YIPF5: variants seen among roughly 807,000 people sequenced by gnomAD.
YIPF5 encodes protein YIPF5.
Under a neutral mutation model 30.4 loss-of-function variants are expected in YIPF5, and 8 were observed. That is an observed-to-expected ratio of 0.26 (90% CI 0.15 to 0.47). YIPF5 has a LOEUF of 0.47. YIPF5 is among the 20% of genes least tolerant of loss of function. The pLI, the probability that YIPF5 is intolerant of heterozygous loss-of-function variation, is 0.99. For synonymous variants in YIPF5, 104 were observed against 107.9 expected, an observed-to-expected ratio of 0.96 and a Z score of 0.23; for missense variants, 282 against 301.8, an observed-to-expected ratio of 0.93 and a Z score of 0.49.
At chr5:144,162,515 A>G in intron 4 of YIPF5, 116 bp from the exon 5 acceptor site, 2 of 917,440 alleles carry the variant, frequency 2.2e-6, no homozygotes, top group Non-Finnish European at 3.3e-6. Flanking sequence ...CTACTAATCT[A>G]TCTATTCTTT....
At chr5:144,166,057 C>T (rs780077556) in intron 2 of YIPF5, among the ~76,000 whole-genome samples, 4 of 152,084 alleles carry the variant, frequency 2.6e-5, no homozygotes, top group South Asian at 2.1e-4. Flanking sequence ...GGATAGCCAT[C>T]GAATTATCAT....
At chr5:144,164,079 T>C (rs1752128453) in intron 4 of YIPF5, 32 bp downstream of exon 4, 5 of 1,601,688 alleles carry the variant, frequency 3.1e-6, no homozygotes, top group Non-Finnish European at 4.3e-6. Flanking sequence ...TGTTCTTTAA[T>C]TGCACCCTGA....
chr5:144,160,249 C>A lies in YIPF5; in HGVS notation c.*148G>T. On this transcript the variant is annotated 3_prime_UTR_variant, in exon 6 of 6. Coordinates refer to ENST00000274496, the MANE Select transcript of YIPF5 (RefSeq NM_030799.9). ...TATGCAAAAGTTCTATAAAAATGAA[C>A]AAGAGATACACGTTTACTTTCATTG... 6.8e-7 allele frequency: 1 copy of A among 1,464,268 alleles called. No individual in the cohort carries two copies. Among genetic ancestry groups the A allele is most frequent in the Non-Finnish European group, 9.0e-7 (1 of 1,109,792 alleles). 90.7% of individuals were successfully genotyped at this position (1,464,268 alleles called of 1,614,324 possible).
intron 2 of YIPF5, among the ~76,000 whole-genome samples, chr5:144,167,473 T>G (rs1351975477): frequency 6.6e-6 from 1 of 152,108 alleles, no homozygotes; most frequent in Non-Finnish European, 1.5e-5. Flanking sequence ...AGATATTCCA[T>G]AAAGATACTA....
At position 144,165,565 on chromosome 5, in the gene YIPF5, A is replaced by G; in HGVS notation, c.150T>C (p.Phe50=). The G allele has an allele frequency of 2.5e-6, 4 of 1,614,188 alleles. No homozygotes were observed. The highest frequency in any genetic ancestry group is 3.4e-6 in the Non-Finnish European group (4 of 1,180,026). The change falls in exon 3 of 6, where the codon TTT becomes TTC. Residue 50 remains phenylalanine, a synonymous_variant. Transcript: ENST00000274496. ...GTGGCTGCATCATGTCTGGAGGGAC[A>G]AATCTGCCTTGCTGCGAATAGTCAT... The part of the protein sequence containing the change: ...AGYDYSQQGR[F]VPPDMMQPQQ...
intron 2 of YIPF5, among the ~76,000 whole-genome samples, chr5:144,167,856 G>A (rs774450349): frequency 1.3e-5 from 2 of 152,154 alleles, no homozygotes; most frequent in South Asian, 2.1e-4. Context: ...AGTTATTAGC[G>A]GATCTTTGTT....
In YIPF5 at chr5:144,163,784, C is replaced by T. The variant is rs568125057; in HGVS notation, c.429+327G>A. On this transcript the variant is annotated intron_variant, in intron 4 of 5. Transcript: ENST00000274496. ...AAATGCTGTCATTAAAAAAAAAAAG[C>T]AATAGTGTAAAAACTGTAAGTAACC... is the stretch of plus-strand genomic sequence containing the variant. 257 of 169,898 alleles carry T rather than the reference C, an allele frequency of 1.5e-3. 1 individual carries two copies. The highest frequency in any genetic ancestry group is 6.0e-3 in the African/African-American group (246 of 40,954). The allele number at this position is 169,898 out of a possible 1,614,324, so 10.5% of individuals were successfully genotyped here.
intron 5 of YIPF5, 46 bp downstream of exon 5, chr5:144,162,172 A>C (rs1752066846): frequency 6.3e-7 from 1 of 1,575,352 alleles, no homozygotes; most frequent in Non-Finnish European, 8.7e-7. Flanking sequence ...GAATCCTACT[A>C]CATAGAATTG....
chr5:144,169,804 C>G (rs1752314799), intron 2 of YIPF5, 42 bp downstream of exon 2: 5 of 1,511,818 alleles, frequency 3.3e-6, no homozygotes, highest in Non-Finnish European at 4.6e-6. Flanking sequence ...TGTGTTTTCA[C>G]TGCAATGTAG....
At position 144,169,950 on chromosome 5, in the gene YIPF5, T is replaced by C. The variant is rs1240503314; in HGVS notation, c.6A>G (p.Ser2=). The part of the protein sequence containing the change: M[S]GFENLNTDFY... Reference sequence around the variant, plus strand: ...AATCCGTGTTTAAGTTTTCAAAGCCTGACATTGCAAATAATCTGTAATAAA... The same window carrying C: ...AATCCGTGTTTAAGTTTTCAAAGCCCGACATTGCAAATAATCTGTAATAAA... Residue 2 remains serine (S), a synonymous_variant, in exon 2 of 6, where the codon TCA becomes TCG. Transcript: ENST00000274496. 1 of 1,613,680 alleles carries C rather than the reference T, an allele frequency of 6.2e-7. No individual in the cohort carries two copies. Among genetic ancestry groups the C allele is most frequent in the Non-Finnish European group, 8.5e-7 (1 of 1,179,632 alleles).
intron 2 of YIPF5, among the ~76,000 whole-genome samples, chr5:144,167,678 T>C (rs1414735175): frequency 6.6e-6 from 1 of 152,200 alleles, no homozygotes; most frequent in Non-Finnish European, 1.5e-5. Context: ...TGAATGGATC[T>C]ATGAATGATA....
chr5:144,169,763 T>C (rs1752313616), intron 2 of YIPF5, 83 bp downstream of exon 2: 9 of 1,129,892 alleles, frequency 8.0e-6, no homozygotes, highest in South Asian at 2.6e-5. Context: ...TGTTCACATA[T>C]TGTTTTAGGC....
rs191864751 is a variant in YIPF5, at chr5:144,160,114, C to A, written c.*283G>T. The A allele has an allele frequency of 5.6e-4, 614 of 1,096,632 alleles. 6 individuals are homozygous for A. In the African/African-American group the frequency reaches 9.2e-3, roughly 16 times the overall value. 67.9% of individuals were successfully genotyped at this position (1,096,632 alleles called of 1,614,324 possible). ...AATCTATCAAAAACATTATAATTTG[C>A]AAGGAAAAAGGTTTTTCAATGGCTG... On this transcript the variant is annotated 3_prime_UTR_variant, in exon 6 of 6. Coordinates refer to ENST00000274496, the MANE Select transcript of YIPF5 (RefSeq NM_030799.9).
chr5:144,159,061 T>G lies in YIPF5; in HGVS notation c.*1336A>C. The G allele has an allele frequency of 2.0e-6, 2 of 983,768 alleles. No individual in the cohort carries two copies. The highest frequency in any genetic ancestry group is 2.4e-6 in the Non-Finnish European group (2 of 828,436). The allele number at this position is 983,768 out of a possible 1,614,324, so 60.9% of individuals were successfully genotyped here. A position where few individuals can be genotyped will look rare whatever the true frequency, so the allele number is the denominator to read the frequency against. On this transcript the variant is annotated 3_prime_UTR_variant, in exon 6 of 6. Transcript: ENST00000274496. ...ACAGTATTTTCCTACAGATTCTCTC[T>G]GGCAAGAGAACATGACAATATAAAT...
In YIPF5 at chr5:144,169,943, C is replaced by T; in HGVS notation, c.13G>A (p.Glu5Lys). The change falls in exon 2 of 6, where the codon GAA becomes AAA. Residue 5 changes from glutamate to lysine, a missense_variant. By Grantham distance (56) the Glu-to-Lys change is moderately conservative (BLOSUM62 1). Transcript: ENST00000274496. Reference protein sequence around the residue: MSGFENLNTDFYQTS... With the variant: MSGFKNLNTDFYQTS... ...TGGTAGAAATCCGTGTTTAAGTTTT[C>T]AAAGCCTGACATTGCAAATAATCTG... 6 of 1,614,066 alleles carry T rather than the reference C, an allele frequency of 3.7e-6. 1 individual carries two copies. The highest frequency in any genetic ancestry group is 1.7e-4 in the Middle Eastern group (1 of 6,060).
chr5:144,168,258 G>T (rs549899008), intron 2 of YIPF5, among the ~76,000 whole-genome samples: 1 of 152,122 alleles, frequency 6.6e-6, no homozygotes, highest in Non-Finnish European at 1.5e-5. Flanking sequence ...GAATGAGACT[G>T]TAAGTCACAC....
rs755644784 is a variant in YIPF5 at position 144,159,095 on chromosome 5, T to C, written c.*1302A>G. On this transcript the variant is annotated 3_prime_UTR_variant, in exon 6 of 6. Transcript: ENST00000274496. ...AACATGACAATATAAATCAAATAAATTTAATACAATAAAATAATGTAACTC... is the reference window on the plus strand; with the variant it reads ...AACATGACAATATAAATCAAATAAACTTAATACAATAAAATAATGTAACTC... 57 of 981,474 alleles carry C rather than the reference T, an allele frequency of 5.8e-5. No individual in the cohort carries two copies. Among genetic ancestry groups the C allele is most frequent in the East Asian group, 1.1e-4 (1 of 8,794 alleles). 60.8% of individuals were successfully genotyped at this position (981,474 alleles called of 1,614,324 possible).
Position 144,160,063 on chromosome 5 carries a change from G to T in YIPF5, c.*334C>A. On this transcript the variant is annotated 3_prime_UTR_variant, in exon 6 of 6. Transcript: ENST00000274496. ...GTTTTTAAGAAAGGTTATCAGCTTT[G>T]TGTTTGGTTTCCCACAGTTGATAAA... 2.0e-6 allele frequency: 2 copies of T among 1,005,428 alleles called. No individual in the cohort carries two copies. The highest frequency in any genetic ancestry group is 9.9e-5 in the East Asian group (1 of 10,062). The allele number at this position is 1,005,428 out of a possible 1,614,324, so 62.3% of individuals were successfully genotyped here. A position where few individuals can be genotyped will look rare whatever the true frequency, so the allele number is the denominator to read the frequency against.
intron 4 of YIPF5, among the ~76,000 whole-genome samples, chr5:144,163,270 A>G (rs1233454461): frequency 6.6e-6 from 1 of 152,202 alleles, no homozygotes; most frequent in Non-Finnish European, 1.5e-5. Flanking sequence ...CTTTTATTAG[A>G]TTATTTGTAA....
Sources: gnomAD v4.1 joint callset for allele counts (sites outside exome capture counted in the v4.1 genomes callset) on GRCh38, gnomAD v4.1.1 for gene constraint, MANE v1.5 for transcripts, NCBI Gene and HGNC (gene_info 2026-07-23, HGNC 2026-07-21) for gene names.